The following COQ5 variants were observed in gnomAD, a reference collection of about 807,000 sequenced individuals.
COQ5 encodes the protein 2-methoxy-6-polyprenyl-1,4-benzoquinol methylase, mitochondrial.
Under a neutral mutation model 40.5 loss-of-function variants are expected in COQ5, and 27 were observed. That is an observed-to-expected ratio of 0.67 (90% CI 0.49 to 0.92). The LOEUF (loss-of-function observed/expected upper bound fraction) is 0.92. Among genes scored for constraint, COQ5 ranks in the 40% least tolerant of loss-of-function variants. The pLI is 0.00. For missense variants in COQ5, 409 were observed against 406.4 expected (o/e 1.01, Z -0.06); for synonymous variants, 141 against 150.0 (o/e 0.94, Z 0.44).
chr12:120,520,560 A>G (rs1195776059), intron 2 of COQ5, among the ~76,000 whole-genome samples: 4 of 151,966 alleles, frequency 2.6e-5, no homozygotes, highest in Non-Finnish European at 5.9e-5. Context: ...TCTTGACCTC[A>G]TGATCCGACC....
intron 4 of COQ5, among the ~76,000 whole-genome samples, chr12:120,505,960 A>C (rs1868866141): frequency 6.6e-6 from 1 of 151,920 alleles, no homozygotes; most frequent in South Asian, 2.1e-4. Context: ...GGTTCAAGTG[A>C]TTCTCTTGCC....
intron 3 of COQ5, among the ~76,000 whole-genome samples, chr12:120,511,673 G>A (rs1276586192): frequency 6.6e-6 from 1 of 152,136 alleles, no homozygotes; most frequent in East Asian, 1.9e-4. Flanking sequence ...CACACAGATG[G>A]ACTGGAACCC....
chr12:120,504,880 A>T lies in COQ5; in HGVS notation c.770+15T>A. 1 of 1,608,928 alleles carries T rather than the reference A, an allele frequency of 6.2e-7. No homozygotes were observed. Among genetic ancestry groups the T allele is most frequent in the Non-Finnish European group, 8.5e-7 (1 of 1,175,266 alleles). On this transcript the variant is annotated intron_variant, in intron 5 of 6. Coordinates refer to ENST00000288532, the MANE Select transcript of COQ5 (RefSeq NM_032314.4). ...GGCTATACAATGAAGATAAAGCCCTATTAACAATGCCAACCTGGATATGAG... is the reference window on the plus strand; with the variant it reads ...GGCTATACAATGAAGATAAAGCCCTTTTAACAATGCCAACCTGGATATGAG...
At chr12:120,504,627 A>G in intron 5 of COQ5, 1 of 437,568 alleles carries the variant, frequency 2.3e-6, no homozygotes, top group East Asian at 4.6e-5. Context: ...TGCCACTAAT[A>G]AGTTCTGATA....
chr12:120,527,856 G>C (rs1188235952), intron 1 of COQ5, among the ~76,000 whole-genome samples: 1 of 151,306 alleles, frequency 6.6e-6, no homozygotes, highest in East Asian at 1.9e-4. Flanking sequence ...GCATGGTGGC[G>C]GGCCCCTGTA....
rs562389051 is a variant in COQ5, at chr12:120,513,552, T to C, written c.574+3015A>G. ...TTACACATTAACTTTTTTTTTTTTT[T>C]TGAGACAGAGCCTTGCTCTGTCACC... On this transcript the variant is annotated intron_variant, in intron 3 of 6. Coordinates refer to ENST00000288532, the MANE Select transcript of COQ5 (RefSeq NM_032314.4). Among the ~76,000 whole-genome samples, 41 of 151,746 alleles carry C rather than the reference T, an allele frequency of 2.7e-4. No homozygotes were observed. In the East Asian group the frequency reaches 6.3e-3, roughly 23 times the overall value.
chr12:120,511,256 C>CAAA (rs33968461), intron 3 of COQ5, among the ~76,000 whole-genome samples: 48 of 93,028 alleles, frequency 5.2e-4, no homozygotes, highest in East Asian at 9.5e-4. Flanking sequence ...GACTCTGTCT[C>CAAA]AAAAAAAAAA....
intron 2 of COQ5, among the ~76,000 whole-genome samples, chr12:120,519,613 A>G (rs1376673907): frequency 6.6e-6 from 1 of 151,652 alleles, no homozygotes; most frequent in Non-Finnish European, 1.5e-5. Context: ...GCTCATGCCT[A>G]TAATCCCAGC....
At position 120,504,028 on chromosome 12, in the gene COQ5, G is replaced by A; in HGVS notation, c.824C>T (p.Ala275Val). The change falls in exon 6 of 7, where the codon GCT (alanine) becomes GTT (valine). Residue 275 changes from alanine (A) to valine (V), a missense_variant. By Grantham distance (64) the Ala-to-Val change is moderately conservative. Coordinates refer to ENST00000288532, the MANE Select transcript of COQ5 (RefSeq NM_032314.4). Reference sequence around the variant, plus strand: ...GTACTGATAGGACTTCCAGTCTCCAGCGATGACCTCTCCCAGGACAGGGAT... The same window carrying A: ...GTACTGATAGGACTTCCAGTCTCCAACGATGACCTCTCCCAGGACAGGGAT... ...QVIPVLGEVI[A>V]GDWKSYQYLV... 1 of 1,613,782 alleles carries A rather than the reference G, an allele frequency of 6.2e-7. No individual in the cohort carries two copies. Among genetic ancestry groups the A allele is most frequent in the Non-Finnish European group, 8.5e-7 (1 of 1,179,674 alleles).
intron 2 of COQ5, among the ~76,000 whole-genome samples, chr12:120,518,994 A>G (rs1869521085): frequency 6.6e-6 from 1 of 152,206 alleles, no homozygotes; most frequent in African/African-American, 2.4e-5. Flanking sequence ...AAAAACATAA[A>G]CAGGGATATT....
At chr12:120,507,114 G>A (rs1354387230) in intron 4 of COQ5, among the ~76,000 whole-genome samples, 11 of 152,116 alleles carry the variant, frequency 7.2e-5, no homozygotes, top group African/African-American at 2.2e-4. Flanking sequence ...GATTACAGGC[G>A]TGAGCTACTG....
intron 1 of COQ5, chr12:120,526,309 T>C (rs1869941695): frequency 2.8e-6 from 1 of 357,630 alleles, no homozygotes; most frequent in Non-Finnish European, 5.6e-6. Context: ...GCAACAAAAA[T>C]GAAAATGCTG....
intron 1 of COQ5, chr12:120,526,385 G>A (rs1593027205): frequency 2.3e-6 from 1 of 431,524 alleles, no homozygotes; most frequent in Non-Finnish European, 4.6e-6. Context: ...ATGACTGTGG[G>A]AATATTGACA....
chr12:120,517,514 T>C (rs1342927466), intron 2 of COQ5, among the ~76,000 whole-genome samples: 2 of 71,156 alleles, frequency 2.8e-5, no homozygotes, highest in Admixed American at 3.2e-4. Context: ...ACTAAAAAAA[T>C]ACAAAAAAAA....
At chr12:120,521,874 G>A (rs1341598309) in intron 2 of COQ5, among the ~76,000 whole-genome samples, 2 of 149,638 alleles carry the variant, frequency 1.3e-5, no homozygotes, top group Non-Finnish European at 3.0e-5. Flanking sequence ...GAGTACGCCC[G>A]TAGTCCCAGC....
At chr12:120,507,316 G>C (rs1868924690) in intron 4 of COQ5, among the ~76,000 whole-genome samples, 1 of 148,564 alleles carries the variant, frequency 6.7e-6, no homozygotes, top group Non-Finnish European at 1.5e-5. Flanking sequence ...ACGGAGTCTC[G>C]TTCTGTCGCC....
chr12:120,522,119 TC>T (rs1869689827), intron 2 of COQ5, 94 bp downstream of exon 2: 1 of 1,299,216 alleles, frequency 7.7e-7, no homozygotes, highest in African/African-American at 1.5e-5. Flanking sequence ...ATCACCATCT[TC>T]CGCCTCGTGT....
rs1868737843 is a variant in COQ5 at position 120,503,718 on chromosome 12, G to C, written c.*66C>G. On this transcript the variant is annotated 3_prime_UTR_variant, in exon 7 of 7. Transcript: ENST00000288532. The stretch of plus-strand genomic sequence containing the variant: ...TGCTCTGCTGCTGTCTCATTTGCCA[G>C]ATTATCCTTCAGTTCCAGGCTTTCA... 5.0e-6 allele frequency: 6 copies of C among 1,211,328 alleles called. No individual in the cohort carries two copies. The highest frequency in any genetic ancestry group is 7.3e-6 in the Non-Finnish European group (6 of 817,220). The allele number at this position is 1,211,328 out of a possible 1,614,324, so 75.0% of individuals were successfully genotyped here. A position where few individuals can be genotyped will look rare whatever the true frequency, so the allele number is the denominator to read the frequency against.
intron 1 of COQ5, chr12:120,526,383 G>A (rs1027431584): frequency 1.6e-5 from 7 of 428,112 alleles, no homozygotes; most frequent in Non-Finnish European, 3.3e-5. Context: ...AGATGACTGT[G>A]GGAATATTGA....
Sources: allele counts gnomAD v4.1 joint callset (sites outside exome capture counted in the v4.1 genomes callset), GRCh38; gene constraint gnomAD v4.1.1; transcripts MANE v1.5; gene names NCBI Gene and HGNC (gene_info 2026-07-23, HGNC 2026-07-21).